The following NOTCH1 variants were observed in gnomAD, a reference collection of about 807,000 sequenced individuals.
The protein encoded by NOTCH1 is notch receptor 1.
In NOTCH1, 37 loss-of-function variants were observed where a neutral mutation model predicts 254.8. The ratio of observed to expected loss-of-function variants is 0.15; its 90% confidence interval spans 0.11 to 0.19. The LOEUF (loss-of-function observed/expected upper bound fraction) is 0.19. Among genes scored for constraint, NOTCH1 ranks in the 10% least tolerant of loss-of-function variants. NOTCH1 has a pLI of 1.00. For missense variants in NOTCH1, 2,972 were observed against 3,708.6 expected, an observed-to-expected ratio of 0.80 and a Z score of 5.16; for synonymous variants, 1,731 against 1,618.1, an observed-to-expected ratio of 1.07 and a Z score of -1.68.
chr9:136,539,950 G>A (rs925654154), intron 2 of NOTCH1, among the ~76,000 whole-genome samples: 3 of 152,204 alleles, frequency 2.0e-5, no homozygotes, highest in Non-Finnish European at 1.5e-5. Context: ...GCTTGTAGTC[G>A]GGAAATGACG....
chr9:136,523,376 T>C (rs995923253), intron 3 of NOTCH1, among the ~76,000 whole-genome samples, 188 bp from the exon 4 acceptor site: 26 of 152,348 alleles, frequency 1.7e-4, no homozygotes, highest in Admixed American at 3.9e-4. Context: ...CCAAGAGGCC[T>C]GAGCCTGGGC....
rs914963993 is a variant in NOTCH1 at position 136,496,957 on chromosome 9, C to A, written c.6782G>T (p.Gly2261Val). ...GCCAGTCTCAAAGGCCAGCCGGCCG[C>A]CCCCACCCAGCGCCGCCATCTCGGG... ...AKPEMAALGG[G>V]GRLAFETGPP... The change falls in exon 34 of 34, where the codon GGC becomes GTC. Residue 2261 changes from glycine (G) to valine (V), a missense_variant. This residue lies in a region of NOTCH1 where 529 missense variants were observed against 529.2 expected (regional missense o/e 1.00). Coordinates refer to ENST00000651671, the MANE Select transcript of NOTCH1 (RefSeq NM_017617.5). The A allele has an allele frequency of 1.2e-6, 2 of 1,610,940 alleles. No homozygotes were observed. Among genetic ancestry groups the A allele is most frequent in the Non-Finnish European group, 1.7e-6 (2 of 1,179,338 alleles).
chr9:136,504,213 A>G (rs1843041915), intron 26 of NOTCH1, among the ~76,000 whole-genome samples: 1 of 152,172 alleles, frequency 6.6e-6, no homozygotes, highest in Non-Finnish European at 1.5e-5. Flanking sequence ...ACTTTTTTAA[A>G]AAAAACAGAG....
rs10521 is a variant in NOTCH1, at chr9:136,503,255, G to A, written c.5094C>T (p.Asp1698=). 0.39 allele frequency: 634,834 copies of A among 1,612,658 alleles called. 132,607 individuals carry two copies. Among genetic ancestry groups the A allele is most frequent in the East Asian group, 0.85 (37,913 of 44,864 alleles). ...CGAGCGCTCCCAGGAATGCGGCCACGTCGGTGGCACTCTGGAAGCACTGCG... is the reference window on the plus strand; with the variant it reads ...CGAGCGCTCCCAGGAATGCGGCCACATCGGTGGCACTCTGGAAGCACTGCG... The part of the protein sequence containing the change: ...ASSQCFQSAT[D]VAAFLGALAS... Residue 1698 remains aspartate, a synonymous_variant, in exon 27 of 34, where the codon GAC becomes GAT. Coordinates refer to ENST00000651671, the MANE Select transcript of NOTCH1 (RefSeq NM_017617.5).
intron 4 of NOTCH1, 90 bp from the exon 5 acceptor site, chr9:136,519,655 C>G: frequency 6.2e-7 from 1 of 1,601,578 alleles, no homozygotes; most frequent in Non-Finnish European, 8.5e-7. Context: ...GACACAAGAG[C>G]CTGGCCTCCA....
rs1843416920 is a variant in NOTCH1, at chr9:136,523,870, C to A, written c.250G>T (p.Asp84Tyr). The A allele has an allele frequency of 1.2e-6, 2 of 1,610,968 alleles. No homozygotes were observed. The highest frequency in any genetic ancestry group is 1.7e-6 in the Non-Finnish European group (2 of 1,179,326). Residue 84 changes from aspartate to tyrosine, a missense_variant, in exon 3 of 34, where the codon GAC becomes TAC. Physicochemically the swap from Asp to Tyr is radical, Grantham distance 160 (BLOSUM62 -3). Around this residue, in one of 8 missense-constraint regions of NOTCH1, gnomAD observed 374 missense variants for 496.3 expected, o/e 0.75. Transcript: ENST00000651671. ...CHVVDRRGVA[D>Y]YACSCALGFS... ...CCCAGGGCACAGCTGCAGGCATAGT[C>A]TGCCACGCCTCTGCGGTCCACCACG...
In NOTCH1 at chr9:136,504,909, C is replaced by T. The variant is rs2133336824; in HGVS notation, c.4782G>A (p.Arg1594=). The T allele has an allele frequency of 6.3e-7, 1 of 1,587,044 alleles. No individual in the cohort carries two copies. The highest frequency in any genetic ancestry group is 8.6e-7 in the Non-Finnish European group (1 of 1,167,494). The change falls in exon 26 of 34, where the codon CGG becomes CGA. Residue 1594 remains arginine (R), a synonymous_variant. Coordinates refer to ENST00000651671, the MANE Select transcript of NOTCH1 (RefSeq NM_017617.5). ...QLRNSSFHFL[R]ELSRVLHTNV... is the part of the protein sequence containing the mutation. ...TGGTGTGCAGCACGCGGCTGAGCTC[C>T]CGCAGGAAGTGGAAGGAGCTGTTGC...
chr9:136,539,907 T>C (rs1843707113), intron 2 of NOTCH1, among the ~76,000 whole-genome samples: 1 of 152,060 alleles, frequency 6.6e-6, no homozygotes, highest in South Asian at 2.1e-4. Flanking sequence ...GCCTCCTTCC[T>C]CTTCTTTTAA....
At position 136,500,852 on chromosome 9, in the gene NOTCH1, A is replaced by G. The variant is rs1842984207; in HGVS notation, c.5639-5T>C. On this transcript the variant is annotated splice_region_variant and splice_polypyrimidine_tract_variant and intron_variant, in intron 30 of 33. Transcript: ENST00000651671. ...TCATGAGCGGGGTGAAGCCATCTGC[A>G]GAGGCAGAGACGGGTGCTCAGTCTG... 1.3e-6 allele frequency: 2 copies of G among 1,587,330 alleles called. No individual in the cohort carries two copies. The highest frequency in any genetic ancestry group is 2.7e-5 in the African/African-American group (2 of 74,696).
chr9:136,504,057 C>G (rs1843039487), intron 26 of NOTCH1, among the ~76,000 whole-genome samples: 1 of 152,172 alleles, frequency 6.6e-6, no homozygotes. Context: ...CCCAGCAATG[C>G]CCCCTCCCAG....
rs1226558286 is a variant in NOTCH1, at chr9:136,501,923, G to A, written c.5473-10C>T. ...CCACGGGCTCCTCGAACTACATAGA[G>A]GGAGTGAGCAGAGCCTGTCAGGGCA... is the stretch of plus-strand genomic sequence containing the variant. On this transcript the variant is annotated splice_polypyrimidine_tract_variant and intron_variant, in intron 29 of 33. Transcript: ENST00000651671. 2 of 1,611,396 alleles carry A rather than the reference G, an allele frequency of 1.2e-6. No homozygotes were observed. Among genetic ancestry groups the A allele is most frequent in the Non-Finnish European group, 1.7e-6 (2 of 1,179,958 alleles).
chr9:136,522,242 G>A (rs938350101), intron 4 of NOTCH1, among the ~76,000 whole-genome samples: 1 of 152,202 alleles, frequency 6.6e-6, no homozygotes, highest in Admixed American at 6.5e-5. Context: ...CTCCCAAAGT[G>A]CTGGGAGTAC....
rs200635292 is a variant in NOTCH1, at chr9:136,533,957, T to G, written c.141-9978A>C. Among the ~76,000 whole-genome samples, 1,002 of 152,300 alleles carry G rather than the reference T, an allele frequency of 6.6e-3. 7 individuals carry two copies. Among genetic ancestry groups the G allele is most frequent in the Non-Finnish European group, 0.01 (700 of 68,020 alleles). On this transcript the variant is annotated intron_variant, in intron 2 of 33. Transcript: ENST00000651671. ...CGCCGTGGCTCCCTGGGCGGGTGCCTGTGGCTCGGGCCATGAGTCACGCTG... is the reference window on the plus strand; with the variant it reads ...CGCCGTGGCTCCCTGGGCGGGTGCCGGTGGCTCGGGCCATGAGTCACGCTG...
At position 136,504,888 on chromosome 9, in the gene NOTCH1, G is replaced by A. The variant is rs2133336694; in HGVS notation, c.4803C>T (p.His1601=). 6.3e-7 allele frequency: 1 copy of A among 1,585,138 alleles called. No individual in the cohort carries two copies. Among genetic ancestry groups the A allele is most frequent in the African/African-American group, 1.3e-5 (1 of 74,664 alleles). The change falls in exon 26 of 34, where the codon CAC becomes CAT. Residue 1601 remains histidine, a synonymous_variant. Coordinates refer to ENST00000651671, the MANE Select transcript of NOTCH1 (RefSeq NM_017617.5). ...HFLRELSRVL[H]TNVVFKRDAH... ...CGTCACGCTTGAAGACCACGTTGGT[G>A]TGCAGCACGCGGCTGAGCTCCCGCA...
chr9:136,523,021 G>A lies in NOTCH1; in HGVS notation c.571C>T (p.His191Tyr), dbSNP rs2133377608. 6.4e-7 allele frequency: 1 copy of A among 1,551,442 alleles called. No homozygotes were observed. The highest frequency in any genetic ancestry group is 8.7e-7 in the Non-Finnish European group (1 of 1,148,084). ...ACCTCGTTGTGGCAGGTGCCTCCGT[G>A]GCGGCAAAGCCCGGGCTTCTGGCCA... ...ECGQKPGLCR[H>Y]GGTCHNEVGS... The change falls in exon 4 of 34, where the codon CAC (histidine) becomes TAC (tyrosine). Residue 191 changes from histidine (H) to tyrosine (Y), a missense_variant. His to Tyr is a moderately conservative substitution (Grantham distance 83, BLOSUM62 2). This residue lies in a region of NOTCH1 where 374 missense variants were observed against 496.3 expected (regional missense o/e 0.75). Transcript: ENST00000651671.
intron 2 of NOTCH1, among the ~76,000 whole-genome samples, chr9:136,525,544 G>C (rs1205590437): frequency 6.6e-6 from 1 of 152,240 alleles, no homozygotes; most frequent in East Asian, 1.9e-4. Context: ...CCTCCAGATG[G>C]GATGTACAGA....
rs200099319 is a variant in NOTCH1 at position 136,505,840 on chromosome 9, G to A, written c.4056C>T (p.Cys1352=). ...CGCCGTTGAGGCAGCGCAGGCTGCC[G>A]CAGGTACGAGCGTCATTCTCACACG... The part of the protein sequence containing the change: ...GATCENDART[C]GSLRCLNGGT... The change falls in exon 25 of 34, where the codon TGC becomes TGT. Residue 1352 remains cysteine (C), a synonymous_variant. Transcript: ENST00000651671. The A allele has an allele frequency of 2.5e-4, 404 of 1,594,110 alleles. 1 individual carries two copies. In the African/African-American group the frequency reaches 4.4e-3, roughly 17 times the overall value.
rs368798926 is a variant in NOTCH1 at position 136,517,256 on chromosome 9, C to T, written c.1555+16G>A. The T allele has an allele frequency of 4.9e-5, 74 of 1,525,618 alleles. No homozygotes were observed. Among genetic ancestry groups the T allele is most frequent in the Middle Eastern group, 3.5e-4 (2 of 5,782 alleles). 94.5% of individuals were successfully genotyped at this position (1,525,618 alleles called of 1,614,324 possible). A position where few individuals can be genotyped will look rare whatever the true frequency, so the allele number is the denominator to read the frequency against. On this transcript the variant is annotated intron_variant, in intron 9 of 33. Coordinates refer to ENST00000651671, the MANE Select transcript of NOTCH1 (RefSeq NM_017617.5). ...GTGCAGACGACCCGGGGGCAGGGGG[C>T]GGGGGTGGCCCTCACCCGTGGGGCA...
intron 2 of NOTCH1, among the ~76,000 whole-genome samples, chr9:136,525,135 C>T (rs1843439344): frequency 1.3e-5 from 2 of 152,304 alleles, no homozygotes; most frequent in South Asian, 2.1e-4. Flanking sequence ...ACATTACAGC[C>T]GGGGAAACCA....
Sources: allele counts gnomAD v4.1 joint callset (sites outside exome capture counted in the v4.1 genomes callset), GRCh38; gene constraint gnomAD v4.1.1; regional missense constraint gnomAD v4.1.1; transcripts MANE v1.5; gene names NCBI Gene and HGNC (gene_info 2026-07-23, HGNC 2026-07-21).